CLEC4A: variants seen among roughly 807,000 people sequenced by gnomAD.
CLEC4A encodes the protein C-type (calcium dependent, carbohydrate-recognition domain) lectin, superfamily member 6.
Under a neutral mutation model 32.7 loss-of-function variants are expected in CLEC4A, and 27 were observed. That is an observed-to-expected ratio of 0.83 (90% CI 0.61 to 1.14). CLEC4A has a LOEUF of 1.14. Among genes scored for constraint, CLEC4A ranks in the 50% most tolerant of loss-of-function variants. The pLI, the probability that CLEC4A is intolerant of heterozygous loss-of-function variation, is 0.00. For synonymous variants in CLEC4A, 89 were observed against 93.7 expected (o/e 0.95, Z 0.29); for missense variants, 253 against 274.6 (o/e 0.92, Z 0.55).
At chr12:8,134,594 G>A in intron 3 of CLEC4A, 1 of 1,612,874 alleles carries the variant, frequency 6.2e-7, no homozygotes, top group African/African-American at 1.3e-5. Flanking sequence ...AGCCGTCTTG[G>A]GGCACTAGCC....
rs1947957614 is a variant in CLEC4A, at chr12:8,129,441, C to T, written c.298+79C>T. 3.2e-6 allele frequency: 3 copies of T among 924,578 alleles called. No individual in the cohort carries two copies. In the Admixed American group the frequency reaches 7.1e-5, roughly 22 times the overall value. The allele number at this position is 924,578 out of a possible 1,614,324, so 57.3% of individuals were successfully genotyped here. A position where few individuals can be genotyped will look rare whatever the true frequency, so the allele number is the denominator to read the frequency against. On this transcript the variant is annotated intron_variant, in intron 3 of 5. Transcript: ENST00000229332. ...CAAATCAATATTTCCAGTAAGATTC[C>T]CAGGTAGATCATACTGAAAAGTTGA...
At chr12:8,108,270 G>A in the CLEC4A span, among the ~76,000 whole-genome samples, 5 of 152,172 alleles carry the variant, frequency 3.3e-5, no homozygotes, top group Admixed American at 6.5e-5. Flanking sequence ...AATGAAGACA[G>A]ATTTTACTTT....
At chr12:8,109,270 CATACTTTA>C in the CLEC4A span, among the ~76,000 whole-genome samples, 1 of 152,108 alleles carries the variant, frequency 6.6e-6, no homozygotes, top group Non-Finnish European at 1.5e-5. Flanking sequence ...ATCCCTTCTT[CATACTTTA>C]ATACTTTAAT....
chr12:8,120,313 A>G (rs906729735), upstream of CLEC4A, among the ~76,000 whole-genome samples: 35 of 152,190 alleles, frequency 2.3e-4, no homozygotes, highest in African/African-American at 6.5e-4. Flanking sequence ...CCCACCCTGA[A>G]TCACCTTCTT....
chr12:8,133,901 G>A (rs1948043633), intron 3 of CLEC4A: 2 of 1,597,770 alleles, frequency 1.3e-6, no homozygotes, highest in Non-Finnish European at 1.7e-6. Context: ...ACCAAAATGG[G>A]GCCCTGGGGC....
At chr12:8,130,752 T>G (rs10840731) in intron 3 of CLEC4A, among the ~76,000 whole-genome samples, 2 of 152,160 alleles carry the variant, frequency 1.3e-5, no homozygotes, top group Non-Finnish European at 2.9e-5. Context: ...ATCTCATTTT[T>G]CCCTTGCTCT....
At chr12:8,110,006 A>G in the CLEC4A span, among the ~76,000 whole-genome samples, 8 of 152,180 alleles carry the variant, frequency 5.3e-5, no homozygotes, top group African/African-American at 1.7e-4. Flanking sequence ...GACTGATTCC[A>G]TAGTAAGGAT....
the CLEC4A span, among the ~76,000 whole-genome samples, chr12:8,108,611 G>T: frequency 1.6e-4 from 24 of 152,164 alleles, no homozygotes; most frequent in Non-Finnish European, 3.4e-4. Flanking sequence ...TATATAGATG[G>T]TTTTCACAGC....
intron 2 of CLEC4A, among the ~76,000 whole-genome samples, chr12:8,126,940 A>G (rs538673390): frequency 6.6e-4 from 100 of 152,364 alleles, no homozygotes; most frequent in East Asian, 1.2e-3. Flanking sequence ...CAGATCATGA[A>G]GACTGCTGTA....
chr12:8,132,556 G>A (rs1948016634), intron 3 of CLEC4A, among the ~76,000 whole-genome samples: 2 of 152,202 alleles, frequency 1.3e-5, no homozygotes, highest in South Asian at 2.1e-4. Context: ...TTAATGTCCC[G>A]AGATATGGTT....
chr12:8,116,068 C>A, the CLEC4A span, among the ~76,000 whole-genome samples: 1 of 152,102 alleles, frequency 6.6e-6, no homozygotes, highest in Non-Finnish European at 1.5e-5. Flanking sequence ...TCAAGCGATT[C>A]TTCTGCCTCA....
intron 3 of CLEC4A, among the ~76,000 whole-genome samples, chr12:8,132,712 A>G (rs1018412565): frequency 2.0e-5 from 3 of 152,084 alleles, no homozygotes; most frequent in African/African-American, 7.3e-5. Flanking sequence ...AGTTCTGTCA[A>G]TGGTTGAGAG....
At position 8,136,904 on chromosome 12, in the gene CLEC4A, G is replaced by T; in HGVS notation, c.566+1G>T. ...AGACACCATACAATGAAAGTTCCAC[G>T]TGAGTATAGAATGAGATAAAAGAAT... On this transcript the variant is annotated splice_donor_variant, in intron 5 of 5. Coordinates refer to ENST00000229332, the MANE Select transcript of CLEC4A (RefSeq NM_016184.4). LOFTEE classifies it high-confidence loss of function. 1 of 1,594,866 alleles carries T rather than the reference G, an allele frequency of 6.3e-7. No individual in the cohort carries two copies.
At chr12:8,113,984 A>G in the CLEC4A span, among the ~76,000 whole-genome samples, 2 of 152,158 alleles carry the variant, frequency 1.3e-5, no homozygotes, top group Admixed American at 1.3e-4. Flanking sequence ...TTTGTTCTGT[A>G]CAGGGGGCAT....
At chr12:8,133,060 G>A (rs1456293280) in intron 3 of CLEC4A, among the ~76,000 whole-genome samples, 2 of 152,096 alleles carry the variant, frequency 1.3e-5, no homozygotes, top group African/African-American at 4.8e-5. Context: ...GATTACAGGT[G>A]TGCGCCACCA....
chr12:8,134,979 G>GTTTGTTTTTTTTTT (rs1948073595), intron 3 of CLEC4A: 6 of 166,030 alleles, frequency 3.6e-5, no homozygotes, highest in African/African-American at 7.2e-5. Context: ...AAGCGTTTTT[G>GTTTGTTTTTTTTTT]TTTTTTGTTT....
chr12:8,114,772 A>G, the CLEC4A span, among the ~76,000 whole-genome samples: 1 of 152,004 alleles, frequency 6.6e-6, no homozygotes, highest in South Asian at 2.1e-4. Context: ...TTTTTTGTGT[A>G]TTTAAATCCA....
At chr12:8,115,480 A>G in the CLEC4A span, among the ~76,000 whole-genome samples, 369 of 152,292 alleles carry the variant, frequency 2.4e-3, 3 homozygotes, top group East Asian at 0.032. Flanking sequence ...CAGGACTTCA[A>G]TGGCATGAGG....
Position 8,125,569 on chromosome 12 carries a change from GA to G in CLEC4A, c.92del (p.Glu31GlyfsTer21), listed in dbSNP as rs1343293567. ...TTTGGCTTCTTCTTCAGCTTCCAAG[GA>G]GAGGACTGCCCCTCACAAAAGTAAT... ...INTASSAASKERTAPHKSNTG... is the reference protein window; with the variant it reads ...INTASSAASKXRTAPHKSNTG... On this transcript the variant is annotated frameshift_variant, in exon 2 of 6. Transcript: ENST00000229332. LOFTEE classifies it high-confidence loss of function. 6.2e-7 allele frequency: 1 copy of G among 1,602,192 alleles called. No homozygotes were observed. Among genetic ancestry groups the G allele is most frequent in the East Asian group, 2.2e-5 (1 of 44,776 alleles).
Sources: allele counts gnomAD v4.1 joint callset (sites outside exome capture counted in the v4.1 genomes callset), GRCh38; gene constraint gnomAD v4.1.1; transcripts MANE v1.5; gene names NCBI Gene and HGNC (gene_info 2026-07-23, HGNC 2026-07-21).